The following CRHR2 variants were observed in gnomAD, a reference collection of about 807,000 sequenced individuals.
The protein encoded by CRHR2 is corticotropin-releasing hormone receptor 2.
CRHR2 carries 53 observed loss-of-function variants against 57.9 expected under a neutral mutation model. That is an observed-to-expected ratio of 0.92 (90% confidence interval 0.73 to 1.15). The LOEUF is 1.15. Ranked by LOEUF, CRHR2 falls within the 50% of genes most tolerant of loss-of-function variation. The pLI, the probability that CRHR2 is intolerant of heterozygous loss-of-function variation, is 0.00. For synonymous variants in CRHR2, 213 were observed against 220.9 expected, an observed-to-expected ratio of 0.96 and a Z score of 0.32; for missense variants, 532 against 542.6, an observed-to-expected ratio of 0.98 and a Z score of 0.19.
intron 8 of CRHR2, among the ~76,000 whole-genome samples, chr7:30,657,121 C>T (rs1361821337): frequency 1.3e-5 from 2 of 152,076 alleles, no homozygotes; most frequent in African/African-American, 2.4e-5. Flanking sequence ...CTCTGACACT[C>T]TGTCAAGAAA....
At chr7:30,692,312 C>T (rs914904306) in intron 1 of CRHR2, among the ~76,000 whole-genome samples, 1 of 152,146 alleles carries the variant, frequency 6.6e-6, no homozygotes, top group Non-Finnish European at 1.5e-5. Flanking sequence ...CCTGGAAACC[C>T]TGTGCCCCCC....
At chr7:30,689,802 C>G (rs1784925568) in intron 1 of CRHR2, among the ~76,000 whole-genome samples, 1 of 152,210 alleles carries the variant, frequency 6.6e-6, no homozygotes, top group Non-Finnish European at 1.5e-5. Flanking sequence ...GTTTCCCTGT[C>G]ACACAGGTAA....
chr7:30,662,123 C>T (rs776747934), intron 7 of CRHR2, 33 bp downstream of exon 7: 13 of 1,612,368 alleles, frequency 8.1e-6, no homozygotes, highest in Non-Finnish European at 1.1e-5. Flanking sequence ...ATTCCCTTCC[C>T]CATGACCCCC....
intron 2 of CRHR2, among the ~76,000 whole-genome samples, chr7:30,670,480 C>A (rs919355300): frequency 1.3e-5 from 2 of 152,208 alleles, no homozygotes; most frequent in African/African-American, 4.8e-5. Flanking sequence ...GACCTGCTGA[C>A]CCCTGGGAAA....
At chr7:30,658,133 C>G (rs1171242015) in intron 8 of CRHR2, among the ~76,000 whole-genome samples, 1 of 152,168 alleles carries the variant, frequency 6.6e-6, no homozygotes, top group East Asian at 1.9e-4. Context: ...CCTCCCCCTT[C>G]ACACCACCAC....
chr7:30,654,994 G>T, intron 11 of CRHR2, 45 bp downstream of exon 11: 1 of 1,604,028 alleles, frequency 6.2e-7, no homozygotes, highest in Non-Finnish European at 8.5e-7. Context: ...AGTGGGGTCT[G>T]AGGACCTGGA....
intron 1 of CRHR2, among the ~76,000 whole-genome samples, chr7:30,691,341 G>A (rs1784958366): frequency 6.6e-6 from 1 of 152,238 alleles, no homozygotes; most frequent in East Asian, 1.9e-4. Flanking sequence ...TGCGCCCTTA[G>A]GCAGATGCAG....
intron 1 of CRHR2, among the ~76,000 whole-genome samples, chr7:30,690,448 A>C (rs1784938950): frequency 6.6e-6 from 1 of 151,986 alleles, no homozygotes; most frequent in Non-Finnish European, 1.5e-5. Context: ...ACATGCACAC[A>C]CGTGTGTGAC....
At position 30,655,100 on chromosome 7, in the gene CRHR2, G is replaced by A. The variant is rs1261455007; in HGVS notation, c.1054-20C>T. On this transcript the variant is annotated intron_variant, in intron 10 of 11. Transcript: ENST00000471646. Reference sequence around the variant, plus strand: ...GAAACCCTGGAAAGGAGGGAAAGGAGGGAGTGGTCAGTGACCTACCTGCGG... The same window carrying A: ...GAAACCCTGGAAAGGAGGGAAAGGAAGGAGTGGTCAGTGACCTACCTGCGG... 3.1e-6 allele frequency: 5 copies of A among 1,612,256 alleles called. No individual in the cohort carries two copies. Among genetic ancestry groups the A allele is most frequent in the African/African-American group, 2.7e-5 (2 of 74,962 alleles).
chr7:30,661,063 C>G (rs563390914), intron 7 of CRHR2, among the ~76,000 whole-genome samples: 22 of 152,236 alleles, frequency 1.4e-4, no homozygotes, highest in Non-Finnish European at 2.6e-4. Flanking sequence ...GGCACTCACT[C>G]GGCCACACAA....
Position 30,653,664 on chromosome 7 carries a change from C to G in CRHR2, c.1096-64G>C. 1 of 1,521,118 alleles carries G rather than the reference C, an allele frequency of 6.6e-7. No homozygotes were observed. The highest frequency in any genetic ancestry group is 2.3e-5 in the East Asian group (1 of 43,566). 94.2% of individuals were successfully genotyped at this position (1,521,118 alleles called of 1,614,324 possible). A position where few individuals can be genotyped will look rare whatever the true frequency, so the allele number is the denominator to read the frequency against. ...CAACCCTGGGCTTCTGGGACCATCC[C>G]CTCCTCTGCTTTCTGCTCTCATGGG... On this transcript the variant is annotated intron_variant, in intron 11 of 11. Transcript: ENST00000471646. This position sits in a 1 kb window ranked among gnomAD's most constrained non-coding sequence, Gnocchi z 5.0.
In CRHR2 at chr7:30,655,044, C is replaced by T. The variant is rs138130545; in HGVS notation, c.1090G>A (p.Gly364Arg). 1.1e-5 allele frequency: 18 copies of T among 1,613,316 alleles called. No homozygotes were observed. Among genetic ancestry groups the T allele is most frequent in the Non-Finnish European group, 1.2e-5 (14 of 1,179,656 alleles). ...FVSVFYCFFNGEVRSAVRKRW... is the reference protein window; with the variant it reads ...FVSVFYCFFNREVRSAVRKRW... ...CCGAGGGCCCAGCTTCATACCTCTC[C>T]ATTGAAGAAGCAGTAGAAGACAGAC... Residue 364 changes from glycine to arginine, a missense_variant, in exon 11 of 12, where the codon GGA (glycine) becomes AGA (arginine). Transcript: ENST00000471646.
At chr7:30,659,633 C>T (rs1005064185) in intron 8 of CRHR2, among the ~76,000 whole-genome samples, 48 of 152,200 alleles carry the variant, frequency 3.2e-4, no homozygotes, top group Admixed American at 1.7e-3. Context: ...TCCTAGTCTT[C>T]ATCAGTTCAC....
chr7:30,669,542 G>A (rs1299522545), intron 2 of CRHR2, among the ~76,000 whole-genome samples: 1 of 152,124 alleles, frequency 6.6e-6, no homozygotes, highest in East Asian at 1.9e-4. Flanking sequence ...CAATGCCCAT[G>A]GGGTCCCAAG....
chr7:30,674,473 T>G (rs1446766870), intron 2 of CRHR2, among the ~76,000 whole-genome samples: 1 of 152,156 alleles, frequency 6.6e-6, no homozygotes, highest in Non-Finnish European at 1.5e-5. Context: ...CATCAAGCCC[T>G]CCACCCACCT....
chr7:30,655,888 C>T, intron 9 of CRHR2, 39 bp downstream of exon 9: 1 of 1,607,582 alleles, frequency 6.2e-7, no homozygotes, highest in Non-Finnish European at 8.5e-7. Context: ...ATGACCTCCT[C>T]CTGTCCCCAT....
At chr7:30,668,170 G>A (rs980175820) in intron 2 of CRHR2, among the ~76,000 whole-genome samples, 1 of 152,240 alleles carries the variant, frequency 6.6e-6, no homozygotes, top group Non-Finnish European at 1.5e-5. Flanking sequence ...TGCAGGTTTT[G>A]TCAAGGGGGA....
Position 30,656,670 on chromosome 7 carries a change from G to T in CRHR2, c.832-658C>A, listed in dbSNP as rs1783802850. ...TATCTTCATTCTGAGTTTTCCCTCA[G>T]CACCAGAGCCTCCCCACCCAGCACC... On this transcript the variant is annotated intron_variant, in intron 8 of 11. Transcript: ENST00000471646. This position sits in a 1 kb window ranked among gnomAD's most constrained non-coding sequence, Gnocchi z 4.4. 6.6e-6 allele frequency among the ~76,000 whole-genome samples: 1 copy of T among 152,140 alleles called. No homozygotes were observed. The highest frequency in any genetic ancestry group is 2.4e-5 in the African/African-American group (1 of 41,432).
intron 2 of CRHR2, among the ~76,000 whole-genome samples, chr7:30,678,632 C>G (rs1425374373): frequency 5.9e-5 from 8 of 134,838 alleles, no homozygotes; most frequent in African/African-American, 2.4e-4. Context: ...CGCCTTATCT[C>G]CACTCTTGGT....
Sources: allele counts gnomAD v4.1 joint callset (sites outside exome capture counted in the v4.1 genomes callset), GRCh38; gene constraint gnomAD v4.1.1; non-coding constraint Gnocchi (gnomAD v3.1); transcripts MANE v1.5; gene names NCBI Gene and HGNC (gene_info 2026-07-23, HGNC 2026-07-21).